ACADM: variants seen among roughly 807,000 people sequenced by gnomAD.
ACADM encodes the protein acyl-CoA dehydrogenase medium chain, also known as medium-chain specific acyl-CoA dehydrogenase, mitochondrial.
A neutral mutation model predicts 58.9 loss-of-function variants in ACADM; 49 were observed. The observed-to-expected ratio is 0.83, with a 90% confidence interval of 0.66 to 1.06. The LOEUF (loss-of-function observed/expected upper bound fraction) is 1.06, where lower values mean the gene tolerates loss of function less well. Among genes scored for constraint, ACADM ranks in the 50% least tolerant of loss-of-function variants. ACADM has a pLI of 0.00. For synonymous variants in ACADM, 160 were observed against 157.7 expected, an observed-to-expected ratio of 1.01 and a Z score of -0.11; for missense variants, 496 against 507.0, an observed-to-expected ratio of 0.98 and a Z score of 0.21.
At chr1:75,753,156 C>T (rs528610118) in intron 10 of ACADM, among the ~76,000 whole-genome samples, 1 of 152,196 alleles carries the variant, frequency 6.6e-6, no homozygotes, top group Admixed American at 6.5e-5. Context: ...CTTTGTGGCC[C>T]TCCTATGCTG....
chr1:75,745,070 G>C (rs190774270), intron 7 of ACADM, among the ~76,000 whole-genome samples: 1 of 152,028 alleles, frequency 6.6e-6, no homozygotes, highest in Admixed American at 6.6e-5. Flanking sequence ...ACCAAACCCT[G>C]TATATACTAT....
At chr1:75,749,712 C>CTTTTTTTTTTTTTT (rs35897798) in intron 9 of ACADM, among the ~76,000 whole-genome samples, 153 bp downstream of exon 9, 1 of 118,162 alleles carries the variant, frequency 8.5e-6, no homozygotes, top group African/African-American at 3.4e-5. Flanking sequence ...ACTTTTCTTT[C>CTTTTTTTTTTTTTT]TTTTTTTTTT....
Position 75,734,852 on chromosome 1 carries a change from C to A in ACADM, c.449C>A (p.Thr150Asn). ...AAGAAGAAGTATTTGGGGAGAATGACTGAGGAGCCATTGATGTGTGTGAGT... is the reference window on the plus strand; with the variant it reads ...AAGAAGAAGTATTTGGGGAGAATGAATGAGGAGCCATTGATGTGTGTGAGT... ...QQKKKYLGRM[T>N]EEPLMCAYCV... is the part of the protein sequence containing the mutation. The change falls in exon 6 of 12, where the codon ACT becomes AAT. Residue 150 changes from threonine (T) to asparagine (N), a missense_variant. Transcript: ENST00000370841. The A allele has an allele frequency of 1.2e-6, 2 of 1,613,380 alleles. No individual in the cohort carries two copies. The highest frequency in any genetic ancestry group is 1.7e-6 in the Non-Finnish European group (2 of 1,179,508).
chr1:75,733,758 C>T (rs968885939), intron 5 of ACADM, 130 bp downstream of exon 5: 2 of 737,562 alleles, frequency 2.7e-6, no homozygotes, highest in Admixed American at 2.3e-5. Context: ...AGTGGGTACA[C>T]ACAGTTTTCT....
intron 1 of ACADM, 65 bp downstream of exon 1, chr1:75,724,882 C>G: frequency 7.4e-7 from 1 of 1,359,600 alleles, no homozygotes; most frequent in South Asian, 2.1e-5. Context: ...GAGCAGGGGG[C>G]CCTGGGCCAA....
chr1:75,743,073 C>T (rs1647668393), intron 7 of ACADM, among the ~76,000 whole-genome samples: 1 of 152,124 alleles, frequency 6.6e-6, no homozygotes, highest in Admixed American at 6.5e-5. Context: ...ACATGGTCCT[C>T]GGGGGTTTCT....
rs143835576 is a variant in ACADM at position 75,726,105 on chromosome 1, C to T, written c.30+1288C>T. ...CAGTCACATGTGAAGTGACTTTTTC[C>T]CTATTTAAATTCCCTCGGTTGGCCA... is the stretch of plus-strand genomic sequence containing the variant. On this transcript the variant is annotated intron_variant, in intron 1 of 11. Transcript: ENST00000370841. 6.2e-3 allele frequency among the ~76,000 whole-genome samples: 946 copies of T among 152,166 alleles called. 12 individuals carry two copies. Among genetic ancestry groups the T allele is most frequent in the African/African-American group, 0.022 (911 of 41,522 alleles).
intron 5 of ACADM, among the ~76,000 whole-genome samples, chr1:75,734,037 G>T (rs1320220495): frequency 6.6e-6 from 1 of 152,172 alleles, no homozygotes; most frequent in African/African-American, 2.4e-5. Flanking sequence ...CCAGGCTGGA[G>T]TGTAGTAGCG....
At chr1:75,731,962 G>A (rs1647155999) in intron 2 of ACADM, among the ~76,000 whole-genome samples, 1 of 152,070 alleles carries the variant, frequency 6.6e-6, no homozygotes. Flanking sequence ...GACCCATTTG[G>A]GCAACATGGC....
chr1:75,757,448 T>C (rs1337147905), intron 10 of ACADM, among the ~76,000 whole-genome samples: 1 of 152,100 alleles, frequency 6.6e-6, no homozygotes, highest in Non-Finnish European at 1.5e-5. Context: ...AACAGACACA[T>C]GAAAAAATGC....
chr1:75,754,001 A>AC (rs1469864714), intron 10 of ACADM, among the ~76,000 whole-genome samples: 1 of 140,146 alleles, frequency 7.1e-6, no homozygotes, highest in Non-Finnish European at 1.5e-5. Flanking sequence ...TTGCCATGTT[A>AC]CCTAGGCTGG....
At chr1:75,733,132 A>AC in intron 4 of ACADM, 1 of 1,612,816 alleles carries the variant, frequency 6.2e-7, no homozygotes, top group Non-Finnish European at 8.5e-7. Flanking sequence ...TCCAACCTTA[A>AC]CTTGCACCTA....
chr1:75,744,789 C>G lies in ACADM; in HGVS notation c.600-1017C>G, dbSNP rs796172117. ...CGGGACAGCATCACGGCGGCCGGGT[C>G]TCCGTTTTATATTATTCCTTTTCAC... On this transcript the variant is annotated intron_variant, in intron 7 of 11. Transcript: ENST00000370841. 1.9e-4 allele frequency: 117 copies of G among 601,494 alleles called. 1 individual carries two copies. The highest frequency in any genetic ancestry group is 1.9e-3 in the African/African-American group (105 of 54,204). 37.3% of individuals were successfully genotyped at this position (601,494 alleles called of 1,614,324 possible).
At chr1:75,761,526 A>G in intron 11 of ACADM, 156 bp downstream of exon 11, 1 of 775,080 alleles carries the variant, frequency 1.3e-6, no homozygotes, top group Admixed American at 2.3e-5. Context: ...ATTAATAGAA[A>G]GAAGAATGTT....
rs1002316571 is a variant in ACADM, at chr1:75,743,901, C to T, written c.600-1905C>T. ...CTGCGTTTACAACAGGCTGTTCCTG[C>T]AAGGCAAAGGCTGAGGCCTTCACAG... On this transcript the variant is annotated intron_variant, in intron 7 of 11. Transcript: ENST00000370841. 2.6e-5 allele frequency: 38 copies of T among 1,459,762 alleles called. No individual in the cohort carries two copies. The African/African-American group carries it at 5.1e-4, about 20-fold the overall frequency. The allele number at this position is 1,459,762 out of a possible 1,614,324, so 90.4% of individuals were successfully genotyped here.
intron 6 of ACADM, among the ~76,000 whole-genome samples, chr1:75,738,876 A>C (rs1434434216): frequency 2.0e-5 from 3 of 152,060 alleles, no homozygotes; most frequent in Non-Finnish European, 4.4e-5. Context: ...TTTATCCATT[A>C]CTGCTTGTGT....
At position 75,749,451 on chromosome 1, in the gene ACADM, T is replaced by G; in HGVS notation, c.741T>G (p.Thr247=). Residue 247 remains threonine, a synonymous_variant, in exon 9 of 12, where the codon ACT becomes ACG. Transcript: ENST00000370841. ...ACATGGGCCAGCGATGTTCAGATAC[T>G]AGAGGAATTGTCTTCGAAGATGTGA... The part of the protein sequence containing the change: ...ELNMGQRCSD[T]RGIVFEDVKV... 1.2e-6 allele frequency: 2 copies of G among 1,614,070 alleles called. No individual in the cohort carries two copies. The highest frequency in any genetic ancestry group is 1.7e-6 in the Non-Finnish European group (2 of 1,179,954).
At chr1:75,727,695 C>T (rs1311652158) in intron 1 of ACADM, among the ~76,000 whole-genome samples, 3 of 151,908 alleles carry the variant, frequency 2.0e-5, no homozygotes, top group Non-Finnish European at 2.9e-5. Context: ...GGATGGCAAA[C>T]GTGTTTGTAA....
At chr1:75,726,050 A>G (rs1647050157) in intron 1 of ACADM, among the ~76,000 whole-genome samples, 1 of 152,214 alleles carries the variant, frequency 6.6e-6, no homozygotes, top group African/African-American at 2.4e-5. Flanking sequence ...CAACCTTTGC[A>G]CTTTGTTCTA....
Sources: allele counts gnomAD v4.1 joint callset (sites outside exome capture counted in the v4.1 genomes callset), GRCh38; gene constraint gnomAD v4.1.1; transcripts MANE v1.5; gene names NCBI Gene and HGNC (gene_info 2026-07-23, HGNC 2026-07-21).